Variants in PLA2G4E observed in about 807,000 individuals in gnomAD.
PLA2G4E encodes the protein phospholipase A2 group IVE, also known as cytosolic phospholipase A2 epsilon.
In PLA2G4E, 84 loss-of-function variants were observed where a neutral mutation model predicts 109.1. The ratio of observed to expected loss-of-function variants is 0.77; its 90% CI spans 0.65 to 0.92. PLA2G4E has a LOEUF of 0.92. Ranked by LOEUF, PLA2G4E falls within the 40% of genes least tolerant of loss-of-function variation. The pLI is 0.00. For missense variants in PLA2G4E, 1,057 were observed against 1,076.6 expected (o/e 0.98, Z 0.25); for synonymous variants, 469 against 436.1 (o/e 1.08, Z -0.94).
chr15:42,000,694 T>G (rs111789526), intron 7 of PLA2G4E, among the ~76,000 whole-genome samples: 1,938 of 151,488 alleles, frequency 0.013, 35 homozygotes, highest in African/African-American at 0.043. Flanking sequence ...CAACATGGGG[T>G]GGGGTGGGGA....
chr15:41,981,664 A>G (rs1238520477), exon 20 of PLA2G4E: 2 of 152,280 alleles, frequency 1.3e-5, no homozygotes, highest in Non-Finnish European at 2.9e-5. Context: ...TGATGAATCC[A>G]AGGCATGGCT....
exon 12 of PLA2G4E, chr15:41,995,473 G>A (rs1177074788): frequency 6.2e-7 from 1 of 1,613,834 alleles, no homozygotes. Flanking sequence ...CACCCCCAGT[G>A]GCCATGATGG....
At chr15:42,026,334 A>T (rs2068692772) in intron 1 of PLA2G4E, among the ~76,000 whole-genome samples, 1 of 152,242 alleles carries the variant, frequency 6.6e-6, no homozygotes, top group Admixed American at 6.5e-5. Context: ...AAACTGTTTA[A>T]TGGGTGACAT....
chr15:42,013,239 CA>C (rs1269170890), intron 2 of PLA2G4E, among the ~76,000 whole-genome samples: 1 of 152,220 alleles, frequency 6.6e-6, no homozygotes, highest in Non-Finnish European at 1.5e-5. Context: ...CTCTGGGAGT[CA>C]CCTGGCAGCT....
chr15:42,018,481 G>A (rs2068617158), intron 1 of PLA2G4E, among the ~76,000 whole-genome samples: 1 of 152,208 alleles, frequency 6.6e-6, no homozygotes, highest in Non-Finnish European at 1.5e-5. Context: ...CAGCCCTGGA[G>A]TAGGGACAGG....
intron 11 of PLA2G4E, among the ~76,000 whole-genome samples, chr15:41,996,350 G>GAAAAAAAAAAAAAAAAAA (rs34559872): frequency 1.3e-5 from 1 of 75,108 alleles, no homozygotes; most frequent in Non-Finnish European, 2.4e-5. Flanking sequence ...CCTGTCTCAA[G>GAAAAAAAAAAAAAAAAAA]AAAAAAAAAA....
chr15:42,006,338 C>T (rs2068476676), intron 3 of PLA2G4E: 1 of 441,312 alleles, frequency 2.3e-6, no homozygotes. Flanking sequence ...GCCTTCTTGG[C>T]CTTCTGTTCT....
At chr15:41,987,261 C>G in exon 17 of PLA2G4E, 1 of 1,613,968 alleles carries the variant, frequency 6.2e-7, no homozygotes, top group Non-Finnish European at 8.5e-7. Context: ...CACGAAGGAC[C>G]GATGGGTAAG....
In PLA2G4E at chr15:41,995,544, G is replaced by C. The variant is rs747029655; in HGVS notation, c.1111-48C>G. On this transcript the variant is annotated intron_variant, in intron 11 of 19. Transcript: ENST00000399518. ...GGTTGGGGAAGGCTCCAGAAGCAAAGCTTGGGAGAAGACTTAGAATGACGG... is the reference window on the plus strand; with the variant it reads ...GGTTGGGGAAGGCTCCAGAAGCAAACCTTGGGAGAAGACTTAGAATGACGG... 20 of 1,603,300 alleles carry C rather than the reference G, an allele frequency of 1.2e-5. No individual in the cohort carries two copies. In the East Asian group the frequency reaches 4.3e-4, roughly 34 times the overall value.
rs373933382 is a variant in PLA2G4E at position 41,986,024 on chromosome 15, C to T, written c.2036-19G>A. The T allele has an allele frequency of 1.1e-4, 180 of 1,576,080 alleles. 1 individual carries two copies. The highest frequency in any genetic ancestry group is 8.6e-4 in the African/African-American group (64 of 74,204). ...ACTGTGTCTGAAAGCCAAGCCTTCC[C>T]GTTACCAACACACCTGGTGCCCTGA... On this transcript the variant is annotated intron_variant, in intron 17 of 19. Coordinates refer to ENST00000399518, the Ensembl canonical transcript of PLA2G4E.
Position 41,997,119 on chromosome 15 carries a change from C to G in PLA2G4E, c.1110+5G>C, listed in dbSNP as rs759549047. On this transcript the variant is annotated splice_donor_5th_base_variant and intron_variant, in intron 11 of 19. Coordinates refer to ENST00000399518, the Ensembl canonical transcript of PLA2G4E. ...CCCAGGCTGGCCACATCCCTGATTACCCACCTCGTCCTCCTGCAGGTCTTC... is the reference window on the plus strand; with the variant it reads ...CCCAGGCTGGCCACATCCCTGATTAGCCACCTCGTCCTCCTGCAGGTCTTC... The G allele has an allele frequency of 1.3e-6, 2 of 1,561,788 alleles. No individual in the cohort carries two copies. The highest frequency in any genetic ancestry group is 1.7e-6 in the Non-Finnish European group (2 of 1,152,976).
chr15:42,042,501 C>CA (rs1889332787), intron 1 of PLA2G4E, among the ~76,000 whole-genome samples: 1 of 152,012 alleles, frequency 6.6e-6, no homozygotes, highest in Admixed American at 6.6e-5. Flanking sequence ...TTAAATAAAG[C>CA]AAAAAATGCA....
exon 8 of PLA2G4E, chr15:42,000,154 A>G: frequency 1.1e-5 from 17 of 1,595,464 alleles, no homozygotes; most frequent in Non-Finnish European, 1.4e-5. Context: ...TGGGACTGGA[A>G]GTACTTGGGG....
At chr15:42,049,410 CCACGTCT>C (rs1045302499) in intron 1 of PLA2G4E, among the ~76,000 whole-genome samples, 6 of 152,170 alleles carry the variant, frequency 3.9e-5, no homozygotes, top group Non-Finnish European at 5.9e-5. Flanking sequence ...CCTAAGGGTC[CCACGTCT>C]CAACACTGTT....
intron 13 of PLA2G4E, among the ~76,000 whole-genome samples, chr15:41,990,934 A>G (rs1566836239): frequency 6.6e-6 from 1 of 151,944 alleles, no homozygotes; most frequent in Non-Finnish European, 1.5e-5. Context: ...ACCCCAGGCC[A>G]AGCAGCTGAC....
chr15:42,048,601 G>A (rs1712412), intron 1 of PLA2G4E, among the ~76,000 whole-genome samples: 14,370 of 152,218 alleles, frequency 0.094, 727 homozygotes, highest in South Asian at 0.19. Context: ...TGGGGATGAC[G>A]GGGCGGAGGG....
intron 4 of PLA2G4E, among the ~76,000 whole-genome samples, chr15:42,005,424 C>T (rs979657240): frequency 1.3e-5 from 2 of 152,248 alleles, no homozygotes; most frequent in African/African-American, 4.8e-5. Flanking sequence ...CCTTACTTTC[C>T]CCACCAGAAT....
intron 13 of PLA2G4E, among the ~76,000 whole-genome samples, chr15:41,990,600 C>G (rs981719758): frequency 6.6e-6 from 1 of 151,992 alleles, no homozygotes; most frequent in Non-Finnish European, 1.5e-5. Flanking sequence ...TGGAGCAGCT[C>G]CATGTTTAGC....
chr15:42,014,188 G>A (rs77307215), intron 1 of PLA2G4E, among the ~76,000 whole-genome samples: 23,191 of 152,088 alleles, frequency 0.15, 2,117 homozygotes, highest in South Asian at 0.2. Flanking sequence ...CACCACGCCT[G>A]GCTCCCCATG....
Sources: allele counts gnomAD v4.1 joint callset (sites outside exome capture counted in the v4.1 genomes callset), GRCh38; gene constraint gnomAD v4.1.1; transcripts MANE v1.5; gene names NCBI Gene and HGNC (gene_info 2026-07-23, HGNC 2026-07-21).